The following RBFOX1 variants were observed in gnomAD, a reference collection of about 807,000 sequenced individuals.
The protein encoded by RBFOX1 is RNA binding fox-1 homolog 1, also known as RNA binding protein fox-1 homolog 1.
A neutral mutation model predicts 57.7 loss-of-function variants in RBFOX1; 8 were observed. The observed-to-expected ratio is 0.14, with a 90% CI of 0.08 to 0.25. The LOEUF (loss-of-function observed/expected upper bound fraction) is 0.25, where lower values mean the gene tolerates loss of function less well. Ranked by LOEUF, RBFOX1 falls within the 10% of genes least tolerant of loss-of-function variation. The probability of loss-of-function intolerance (pLI) is 1.00; values close to 1 mark genes in which losing one functional copy is unlikely to be tolerated. For missense variants in RBFOX1, 611 were observed against 548.5 expected (o/e 1.11, Z -1.14); for synonymous variants, 326 against 222.4 (o/e 1.47, Z -4.15).
intron 1 of RBFOX1, chr16:6,038,204 A>T (rs2095392015): frequency 6.8e-6 from 1 of 146,550 alleles, no homozygotes; most frequent in Non-Finnish European, 1.5e-5. Flanking sequence ...TTGAGATGGC[A>T]TCTAACTCAC....
chr16:7,043,023 C>T (rs924363473), intron 3 of RBFOX1, among the ~76,000 whole-genome samples: 11 of 152,012 alleles, frequency 7.2e-5, no homozygotes, highest in Non-Finnish European at 1.5e-4. Flanking sequence ...CCCAAAGTTC[C>T]TTCGCTTCCA....
At chr16:5,678,645 C>T (rs1255300341) in intron 3 of RBFOX1, among the ~76,000 whole-genome samples, 1 of 152,140 alleles carries the variant, frequency 6.6e-6, no homozygotes. Flanking sequence ...GCGGCGTAGG[C>T]AAGTGAGAAC....
intron 2 of RBFOX1, among the ~76,000 whole-genome samples, chr16:5,468,584 A>C (rs965291681): frequency 6.6e-6 from 1 of 152,250 alleles, no homozygotes; most frequent in African/African-American, 2.4e-5. Flanking sequence ...ACAGGTACTC[A>C]AACAAGCACA....
intron 3 of RBFOX1, among the ~76,000 whole-genome samples, chr16:6,988,202 C>T (rs573793194): frequency 4.7e-4 from 71 of 152,294 alleles, no homozygotes; most frequent in Non-Finnish European, 7.3e-4. Context: ...TAAATCTCCC[C>T]CTAAATTTTT....
intron 1 of RBFOX1, among the ~76,000 whole-genome samples, chr16:6,129,505 A>G (rs1045106728): frequency 7.2e-5 from 11 of 152,176 alleles, no homozygotes; most frequent in Admixed American, 6.5e-4. Flanking sequence ...GTAGTAAAAT[A>G]AACAGAGTCA....
intron 2 of RBFOX1, among the ~76,000 whole-genome samples, chr16:6,556,959 A>T (rs1390906699): frequency 6.7e-6 from 1 of 149,048 alleles, no homozygotes; most frequent in East Asian, 2.0e-4. Flanking sequence ...AATATTCATT[A>T]TATATATAAA....
chr16:7,146,968 A>G (rs1292083767), intron 4 of RBFOX1, among the ~76,000 whole-genome samples: 100 of 26,066 alleles, frequency 3.8e-3, no homozygotes, highest in Non-Finnish European at 6.3e-3. Context: ...ATAAAAAAGA[A>G]CAACGACTTT....
intron 4 of RBFOX1, among the ~76,000 whole-genome samples, chr16:7,414,299 C>G (rs17143608): frequency 0.011 from 1,653 of 152,278 alleles, 29 homozygotes; most frequent in African/African-American, 0.037. Flanking sequence ...ACTCTATGTT[C>G]ACTGGCCAGG....
chr16:6,478,735 C>T lies in RBFOX1; in HGVS notation c.-64+161678C>T, dbSNP rs539455744. ...GAATGGGAAGGCCAAGGAGAGGGAG[C>T]GAGCAGGGGGAATGGCCTGTCAGTG... On this transcript the variant is annotated intron_variant, in intron 2 of 15. Coordinates refer to ENST00000550418, the MANE Select transcript of RBFOX1 (RefSeq NM_018723.4). Among the ~76,000 whole-genome samples the T allele has an allele frequency of 1.2e-3, 175 of 151,856 alleles. 1 individual carries two copies. Among genetic ancestry groups the T allele is most frequent in the African/African-American group, 3.9e-3 (162 of 41,378 alleles).
intron 3 of RBFOX1, among the ~76,000 whole-genome samples, chr16:5,714,203 G>C (rs1224626518): frequency 2.0e-5 from 3 of 152,180 alleles, no homozygotes; most frequent in African/African-American, 7.2e-5. Context: ...CTTTTGCCAT[G>C]AGGGCTTGTT....
rs1367252940 is a variant in RBFOX1, at chr16:7,258,446, T to A, written c.27+206348T>A. Among the ~76,000 whole-genome samples the A allele has an allele frequency of 9.9e-5, 15 of 152,188 alleles. 1 individual carries two copies. Among genetic ancestry groups the A allele is most frequent in the Non-Finnish European group, 2.2e-4 (15 of 68,036 alleles). ...CTGTGTGCATTATTTGCCTGTTTCATCTTCTATATTCTCCTAAACCCTCTC... is the reference window on the plus strand; with the variant it reads ...CTGTGTGCATTATTTGCCTGTTTCAACTTCTATATTCTCCTAAACCCTCTC... On this transcript the variant is annotated intron_variant, in intron 4 of 15. Transcript: ENST00000550418.
chr16:6,218,613 TAA>T (rs2152873013), intron 1 of RBFOX1, among the ~76,000 whole-genome samples: 1 of 152,220 alleles, frequency 6.6e-6, no homozygotes, highest in African/African-American at 2.4e-5. Context: ...CCGGCCTTAG[TAA>T]AGTCTTTCTC....
chr16:6,468,308 A>C (rs552718970), intron 2 of RBFOX1, among the ~76,000 whole-genome samples: 1 of 152,326 alleles, frequency 6.6e-6, no homozygotes, highest in Admixed American at 6.5e-5. Flanking sequence ...ATATGTTGGC[A>C]GAATGGCAAG....
At chr16:5,677,445 C>T (rs2050201550) in intron 3 of RBFOX1, among the ~76,000 whole-genome samples, 1 of 152,144 alleles carries the variant, frequency 6.6e-6, no homozygotes, top group Admixed American at 6.5e-5. Context: ...GATAAATGGG[C>T]ATGTAGGTAA....
intron 4 of RBFOX1, among the ~76,000 whole-genome samples, chr16:7,440,606 G>A (rs1028539324): frequency 1.4e-4 from 21 of 152,140 alleles, no homozygotes; most frequent in African/African-American, 4.6e-4. Flanking sequence ...AATCTGGAGA[G>A]TTGCTTAATG....
intron 4 of RBFOX1, among the ~76,000 whole-genome samples, chr16:7,200,334 C>T (rs531393083): frequency 6.6e-6 from 1 of 152,142 alleles, no homozygotes. Flanking sequence ...GTTGGCCTGT[C>T]TTATGGAAGA....
intron 4 of RBFOX1, among the ~76,000 whole-genome samples, chr16:7,410,207 C>T (rs531279548): frequency 1.3e-5 from 2 of 152,094 alleles, no homozygotes; most frequent in Non-Finnish European, 2.9e-5. Context: ...TGGGTGACCG[C>T]TATGGTCCAG....
At chr16:5,996,007 G>T (rs987597756) in intron 4 of RBFOX1, among the ~76,000 whole-genome samples, 1 of 152,082 alleles carries the variant, frequency 6.6e-6, no homozygotes, top group African/African-American at 2.4e-5. Context: ...GTTTTCACAT[G>T]GTGGAAGGAG....
chr16:5,842,982 C>G (rs1453656138), intron 3 of RBFOX1, among the ~76,000 whole-genome samples: 1 of 151,968 alleles, frequency 6.6e-6, no homozygotes, highest in Non-Finnish European at 1.5e-5. Flanking sequence ...GCATGTCTGG[C>G]TAATTGTTTT....
Sources: allele counts gnomAD v4.1 joint callset (sites outside exome capture counted in the v4.1 genomes callset), GRCh38; gene constraint gnomAD v4.1.1; transcripts MANE v1.5; gene names NCBI Gene and HGNC (gene_info 2026-07-23, HGNC 2026-07-21).